The following ELP4 variants were observed in gnomAD, a reference collection of about 807,000 sequenced individuals.
ELP4 encodes elongator complex protein 4.
In ELP4, 51 loss-of-function variants were observed where a neutral mutation model predicts 48.9. The observed-to-expected ratio is 1.04, with a 90% CI of 0.83 to 1.32. The LOEUF is 1.32. Among genes scored for constraint, ELP4 ranks in the 40% most tolerant of loss-of-function variants. The probability of loss-of-function intolerance (pLI) is 0.00; values close to 1 mark genes in which losing one functional copy is unlikely to be tolerated. For missense variants in ELP4, 519 were observed against 514.6 expected, an observed-to-expected ratio of 1.01 and a Z score of -0.08; for synonymous variants, 210 against 189.2, an observed-to-expected ratio of 1.11 and a Z score of -0.90.
At chr11:31,698,859 A>C (rs918071708) in intron 9 of ELP4, among the ~76,000 whole-genome samples, 2 of 152,234 alleles carry the variant, frequency 1.3e-5, no homozygotes, top group African/African-American at 4.8e-5. Flanking sequence ...AAAAGAGATT[A>C]ACATCAAAAT....
chr11:31,688,733 G>T (rs750960517), intron 9 of ELP4, among the ~76,000 whole-genome samples: 2 of 152,180 alleles, frequency 1.3e-5, no homozygotes, highest in Non-Finnish European at 2.9e-5. Flanking sequence ...AATATGCATA[G>T]TCACTGACCT....
At chr11:31,556,329 T>G (rs990071812) in intron 3 of ELP4, among the ~76,000 whole-genome samples, 2 of 151,912 alleles carry the variant, frequency 1.3e-5, no homozygotes, top group African/African-American at 4.8e-5. Context: ...CTTCATCATC[T>G]CCAATGTAAT....
At chr11:31,690,090 G>C (rs953500487) in intron 9 of ELP4, among the ~76,000 whole-genome samples, 1 of 152,140 alleles carries the variant, frequency 6.6e-6, no homozygotes, top group Admixed American at 6.6e-5. Context: ...AATTCCTTCA[G>C]AATAAATATT....
At chr11:31,743,898 G>C (rs1002960888) in intron 9 of ELP4, among the ~76,000 whole-genome samples, 1 of 152,112 alleles carries the variant, frequency 6.6e-6, no homozygotes, top group Non-Finnish European at 1.5e-5. Context: ...ACTTAGAGCA[G>C]AACTGAAGGA....
At chr11:31,594,553 A>G (rs1180623031) in intron 3 of ELP4, among the ~76,000 whole-genome samples, 1 of 152,080 alleles carries the variant, frequency 6.6e-6, no homozygotes, top group Non-Finnish European at 1.5e-5. Context: ...ATTTTCTTTA[A>G]ATTCCAGTTT....
chr11:31,690,170 G>GAATAGCAAAGCC (rs1946246838), intron 9 of ELP4, among the ~76,000 whole-genome samples: 1 of 152,150 alleles, frequency 6.6e-6, no homozygotes, highest in Non-Finnish European at 1.5e-5. Context: ...AATGTCTGCT[G>GAATAGCAAAGCC]AATAGCAAAG....
At chr11:31,557,778 T>A (rs962129663) in intron 3 of ELP4, among the ~76,000 whole-genome samples, 5 of 152,096 alleles carry the variant, frequency 3.3e-5, no homozygotes, top group Non-Finnish European at 7.4e-5. Flanking sequence ...ATACAGTGTA[T>A]CATGTTATAA....
intron 9 of ELP4, among the ~76,000 whole-genome samples, chr11:31,749,866 T>G (rs1245297614): frequency 6.6e-6 from 1 of 151,654 alleles, no homozygotes; most frequent in East Asian, 1.9e-4. Flanking sequence ...ATTTTTTTTT[T>G]TTTTTTTGAG....
At chr11:31,609,137 C>G (rs1592155644) in intron 5 of ELP4, among the ~76,000 whole-genome samples, 1 of 152,150 alleles carries the variant, frequency 6.6e-6, no homozygotes, top group African/African-American at 2.4e-5. Flanking sequence ...GGGACATGCC[C>G]TCGCCCAGTG....
At chr11:31,564,146 G>C (rs756535753) in intron 3 of ELP4, among the ~76,000 whole-genome samples, 2 of 152,066 alleles carry the variant, frequency 1.3e-5, no homozygotes, top group Non-Finnish European at 2.9e-5. Context: ...AAAAATTTTA[G>C]TACTTCCAAA....
At chr11:31,707,666 A>G (rs1163408377) in intron 9 of ELP4, among the ~76,000 whole-genome samples, 1 of 152,198 alleles carries the variant, frequency 6.6e-6, no homozygotes, top group African/African-American at 2.4e-5. Flanking sequence ...AACATAAATT[A>G]TTTCCCTATA....
At chr11:31,702,102 G>A (rs1478021850) in intron 9 of ELP4, among the ~76,000 whole-genome samples, 1 of 151,974 alleles carries the variant, frequency 6.6e-6, no homozygotes, top group Non-Finnish European at 1.5e-5. Flanking sequence ...ATGTTGAGAT[G>A]GAAAGACTTT....
chr11:31,706,611 TA>T (rs1484451189), intron 9 of ELP4, among the ~76,000 whole-genome samples: 1 of 148,248 alleles, frequency 6.7e-6, no homozygotes, highest in Admixed American at 6.8e-5. Flanking sequence ...TAATTTTATA[TA>T]TTTATATATT....
At chr11:31,543,874 G>C (rs565832465) in intron 3 of ELP4, among the ~76,000 whole-genome samples, 1 of 152,142 alleles carries the variant, frequency 6.6e-6, no homozygotes, top group East Asian at 1.9e-4. Flanking sequence ...TAAAAAGGTG[G>C]TTTTTTATGA....
chr11:31,543,918 C>G (rs76073894), intron 3 of ELP4, among the ~76,000 whole-genome samples: 4,025 of 152,162 alleles, frequency 0.026, 164 homozygotes, highest in African/African-American at 0.091. Flanking sequence ...ATGCTAAAAT[C>G]AAAAAGAATT....
chr11:31,743,028 T>A (rs544769824), intron 9 of ELP4, among the ~76,000 whole-genome samples: 12 of 152,004 alleles, frequency 7.9e-5, no homozygotes, highest in Non-Finnish European at 4.4e-5. Flanking sequence ...GAGACACACA[T>A]AGGCTCAAAA....
At chr11:31,585,543 GA>G (rs1444893653) in intron 3 of ELP4, among the ~76,000 whole-genome samples, 1 of 151,552 alleles carries the variant, frequency 6.6e-6, no homozygotes, top group African/African-American at 2.4e-5. Context: ...TTAACTGGAA[GA>G]AAAACACATC....
At chr11:31,529,930 C>T (rs2133891614) in intron 2 of ELP4, among the ~76,000 whole-genome samples, 1 of 152,268 alleles carries the variant, frequency 6.6e-6, no homozygotes, top group East Asian at 1.9e-4. Flanking sequence ...GTATAAGCAG[C>T]AGACTTAATA....
chr11:31,591,046 A>G (rs1400532323), intron 3 of ELP4, among the ~76,000 whole-genome samples: 1 of 152,160 alleles, frequency 6.6e-6, no homozygotes, highest in African/African-American at 2.4e-5. Context: ...TATATTTGAT[A>G]ATGTCTACTA....
Sources: gnomAD v4.1 joint callset for allele counts (sites outside exome capture counted in the v4.1 genomes callset) on GRCh38, gnomAD v4.1.1 for gene constraint, MANE v1.5 for transcripts, NCBI Gene and HGNC (gene_info 2026-07-23, HGNC 2026-07-21) for gene names.